EMX1: variants seen among roughly 807,000 people sequenced by gnomAD.
The protein encoded by EMX1 is empty spiracles homeobox 1, also known as homeobox protein EMX1.
EMX1 carries 10 observed loss-of-function variants against 20.1 expected under a neutral mutation model. The ratio of observed to expected loss-of-function variants is 0.50; its 90% confidence interval spans 0.31 to 0.84. The LOEUF (loss-of-function observed/expected upper bound fraction) is 0.84, where lower values mean the gene tolerates loss of function less well. Ranked by LOEUF, EMX1 falls within the 40% of genes least tolerant of loss-of-function variation. EMX1 has a pLI of 0.05. For synonymous variants in EMX1, 250 were observed against 200.4 expected, an observed-to-expected ratio of 1.25 and a Z score of -2.09; for missense variants, 424 against 431.9, an observed-to-expected ratio of 0.98 and a Z score of 0.16.
At chr2:72,923,983 G>GC (rs980372278) in intron 1 of EMX1, 1 of 488,780 alleles carries the variant, frequency 2.0e-6, no homozygotes, top group Non-Finnish European at 3.7e-6. Flanking sequence ...CTCTTCCGCT[G>GC]CCCCAGGCAT....
chr2:72,921,262 G>T (rs1001599260), intron 1 of EMX1, among the ~76,000 whole-genome samples: 1 of 152,214 alleles, frequency 6.6e-6, no homozygotes, highest in Non-Finnish European at 1.5e-5. Context: ...AGGGAGGAGA[G>T]GGGTATTCAT....
intron 1 of EMX1, among the ~76,000 whole-genome samples, chr2:72,920,453 C>T (rs920590071): frequency 6.6e-6 from 1 of 152,232 alleles, no homozygotes; most frequent in African/African-American, 2.4e-5. Flanking sequence ...GCTGTTGCTT[C>T]GCGGTCCATC....
At chr2:72,922,449 G>A (rs533850146) in intron 1 of EMX1, among the ~76,000 whole-genome samples, 18 of 152,224 alleles carry the variant, frequency 1.2e-4, no homozygotes, top group African/African-American at 4.1e-4. Context: ...CTCTTCAGTC[G>A]GACCTGAGGG....
upstream of EMX1, chr2:72,916,419 A>G (rs902409960): frequency 1.3e-5 from 7 of 524,748 alleles, no homozygotes; most frequent in Admixed American, 2.1e-4. Flanking sequence ...GGCAAGGTCC[A>G]GGTCCCAGCC....
intron 1 of EMX1, chr2:72,923,979 C>T (rs997887611): frequency 2.1e-6 from 1 of 471,248 alleles, no homozygotes; most frequent in Non-Finnish European, 3.9e-6. Flanking sequence ...TGGCCTCTTC[C>T]GCTGCCCCAG....
chr2:72,928,988 C>T (rs969100714), intron 2 of EMX1, among the ~76,000 whole-genome samples: 2 of 152,100 alleles, frequency 1.3e-5, no homozygotes, highest in African/African-American at 2.4e-5. Context: ...GCAGGAGTTA[C>T]GGTCACCTGC....
At chr2:72,917,441 T>TCGCCCCGCCC (rs560191031), upstream of EMX1, 14 of 192,262 alleles carry the variant, frequency 7.3e-5, no homozygotes, top group East Asian at 1.4e-4. Flanking sequence ...CCGCCGTCCC[T>TCGCCCCGCCC]CGCCCCGCCC....
At chr2:72,916,720 C>G, upstream of EMX1, 1 of 717,422 alleles carries the variant, frequency 1.4e-6, no homozygotes, top group Non-Finnish European at 2.6e-6. Flanking sequence ...CAATTTAAGC[C>G]ACAGTGTCTC....
chr2:72,917,825 G>C lies in EMX1; in HGVS notation c.-28G>C. 1.5e-6 allele frequency: 2 copies of C among 1,302,508 alleles called. No individual in the cohort carries two copies. Among genetic ancestry groups the C allele is most frequent in the Non-Finnish European group, 1.9e-6 (2 of 1,029,964 alleles). 80.7% of individuals were successfully genotyped at this position (1,302,508 alleles called of 1,614,324 possible). The stretch of plus-strand genomic sequence containing the variant: ...GGGCCGAGCGCGAGCGGGCGGGCGG[G>C]GGAGGTGAGGGGTGCGGGCGGGTGT... On this transcript the variant is annotated 5_prime_UTR_variant, in exon 1 of 3. Coordinates refer to ENST00000258106, the MANE Select transcript of EMX1 (RefSeq NM_004097.3).
upstream of EMX1, chr2:72,916,917 C>T (rs1478259076): frequency 4.2e-6 from 3 of 717,282 alleles, no homozygotes; most frequent in African/African-American, 5.2e-5. Context: ...ACCGCTCCGG[C>T]GGCTTCTCCC....
At chr2:72,922,199 T>C (rs1451739268) in intron 1 of EMX1, among the ~76,000 whole-genome samples, 1 of 152,242 alleles carries the variant, frequency 6.6e-6, no homozygotes, top group Non-Finnish European at 1.5e-5. Flanking sequence ...AGGAAACCAC[T>C]GTTGGGACTT....
chr2:72,922,138 A>G (rs972576283), intron 1 of EMX1, among the ~76,000 whole-genome samples: 6 of 152,218 alleles, frequency 3.9e-5, no homozygotes, highest in Non-Finnish European at 8.8e-5. Flanking sequence ...AACCCTGCCA[A>G]TGCTGGGATG....
chr2:72,931,698 G>T (rs1402467649), intron 2 of EMX1, among the ~76,000 whole-genome samples: 1 of 152,270 alleles, frequency 6.6e-6, no homozygotes, highest in African/African-American at 2.4e-5. Context: ...AGATGTGCAG[G>T]CTATGGGCTT....
At chr2:72,920,789 C>T (rs932522240) in intron 1 of EMX1, among the ~76,000 whole-genome samples, 1 of 152,210 alleles carries the variant, frequency 6.6e-6, no homozygotes, top group Admixed American at 6.5e-5. Context: ...GGGCCGCTCG[C>T]GAGCACCGAA....
chr2:72,927,529 T>C (rs1671224546), intron 2 of EMX1, among the ~76,000 whole-genome samples: 2 of 152,134 alleles, frequency 1.3e-5, no homozygotes, highest in African/African-American at 4.8e-5. Context: ...TTGTTGTTAT[T>C]ACTTAATTAT....
chr2:72,922,908 T>C (rs934656577), intron 1 of EMX1, among the ~76,000 whole-genome samples: 2 of 152,240 alleles, frequency 1.3e-5, no homozygotes, highest in African/African-American at 4.8e-5. Context: ...AGAAATTAAT[T>C]GGATCAGTCA....
chr2:72,931,227 C>T (rs1352059770), intron 2 of EMX1, among the ~76,000 whole-genome samples: 6 of 152,216 alleles, frequency 3.9e-5, no homozygotes, highest in East Asian at 1.9e-4. Flanking sequence ...TGCCTGAAGT[C>T]GCCATCCAAA....
intron 1 of EMX1, chr2:72,923,664 CAGG>C (rs1329979975): frequency 1.3e-5 from 2 of 155,498 alleles, no homozygotes; most frequent in Admixed American, 1.2e-4. Flanking sequence ...AGCGTGCTGG[CAGG>C]AGTTTTTAAT....
Position 72,917,794 on chromosome 2 carries a change from C to T in EMX1, c.-59C>T. On this transcript the variant is annotated 5_prime_UTR_variant, in exon 1 of 3. Transcript: ENST00000258106. ...CCTCGCCGCTCCGCGCCTGGCTCGC[C>T]CGCGGGGGCCGAGCGCGAGCGGGCG... is the stretch of plus-strand genomic sequence containing the variant. 7.9e-7 allele frequency: 1 copy of T among 1,258,022 alleles called. No individual in the cohort carries two copies. The highest frequency in any genetic ancestry group is 1.0e-6 in the Non-Finnish European group (1 of 1,003,250). The allele number at this position is 1,258,022 out of a possible 1,614,324, so 77.9% of individuals were successfully genotyped here.
Sources: allele counts gnomAD v4.1 joint callset (sites outside exome capture counted in the v4.1 genomes callset), GRCh38; gene constraint gnomAD v4.1.1; transcripts MANE v1.5; gene names NCBI Gene and HGNC (gene_info 2026-07-23, HGNC 2026-07-21).